CDH23: variants seen among roughly 807,000 people sequenced by gnomAD.
The protein encoded by CDH23 is cadherin related 23.
Under a neutral mutation model 317.1 loss-of-function variants are expected in CDH23, and 189 were observed. The observed-to-expected ratio is 0.60, with a 90% CI of 0.53 to 0.67. The LOEUF (loss-of-function observed/expected upper bound fraction) is 0.67. CDH23 is among the 30% of genes least tolerant of loss of function. The probability of loss-of-function intolerance (pLI) is 0.00; values close to 1 mark genes in which losing one functional copy is unlikely to be tolerated. For missense variants in CDH23, 4,401 were observed against 4,592.4 expected, an observed-to-expected ratio of 0.96 and a Z score of 1.20; for synonymous variants, 1,839 against 1,876.8, an observed-to-expected ratio of 0.98 and a Z score of 0.52.
intron 38 of CDH23, 130 bp downstream of exon 38, chr10:71,742,051 A>G (rs1839751180): frequency 1.3e-6 from 1 of 782,436 alleles, no homozygotes; most frequent in Non-Finnish European, 2.0e-6. Flanking sequence ...CCTTTAGTCC[A>G]TCTGCCTTTA....
chr10:71,633,771 C>T (rs1403158104), intron 11 of CDH23, among the ~76,000 whole-genome samples: 6 of 152,180 alleles, frequency 3.9e-5, no homozygotes, highest in Non-Finnish European at 8.8e-5. Flanking sequence ...CCAGAGAGGG[C>T]AGACAGTTTG....
chr10:71,456,095 C>T lies in CDH23; in HGVS notation c.145+9700C>T, dbSNP rs567521678. On this transcript the variant is annotated intron_variant, in intron 3 of 69. Coordinates refer to ENST00000224721, the MANE Select transcript of CDH23 (RefSeq NM_022124.6). ...TTTGGAGAAGAGTCTCCAGGTGCCT[C>T]GCAGCTGCTGGGATCTGGAGCTAGA... Among the ~76,000 whole-genome samples the T allele has an allele frequency of 8.6e-5, 13 of 151,588 alleles. No homozygotes were observed. The East Asian group carries it at 1.9e-3, about 23-fold the overall frequency.
intron 8 of CDH23, among the ~76,000 whole-genome samples, chr10:71,576,480 C>G (rs189179788): frequency 6.6e-6 from 1 of 152,088 alleles, no homozygotes; most frequent in Non-Finnish European, 1.5e-5. Context: ...TGTCAGGGAA[C>G]AAGCCTCTGC....
chr10:71,570,085 G>A (rs1229568837), intron 7 of CDH23, among the ~76,000 whole-genome samples: 2 of 151,970 alleles, frequency 1.3e-5, no homozygotes, highest in Admixed American at 6.5e-5. Flanking sequence ...CCCAACTGAC[G>A]GTTTAAATAT....
At chr10:71,447,905 A>G (rs12778279) in intron 3 of CDH23, among the ~76,000 whole-genome samples, 80,530 of 152,124 alleles carry the variant, frequency 0.53, 21,856 homozygotes, top group Non-Finnish European at 0.59. Context: ...CCAACATAGC[A>G]GCACACAGTG....
At chr10:71,643,218 TGGTCATATA>T in intron 11 of CDH23, among the ~76,000 whole-genome samples, 1 of 152,210 alleles carries the variant, frequency 6.6e-6, no homozygotes, top group South Asian at 2.1e-4. Context: ...GTACCCATAA[TGGTCATATA>T]GGCATGGATT....
intron 38 of CDH23, chr10:71,752,094 G>T: frequency 1.5e-6 from 1 of 681,316 alleles, no homozygotes; most frequent in Non-Finnish European, 2.7e-6. Context: ...ACAGACCCCA[G>T]CTCCTCCCTG....
chr10:71,809,995 C>A lies in CDH23; in HGVS notation c.8898C>A (p.Asp2966Glu), dbSNP rs775801383. 3.1e-6 allele frequency: 5 copies of A among 1,612,380 alleles called. No individual in the cohort carries two copies. Among genetic ancestry groups the A allele is most frequent in the Non-Finnish European group, 3.4e-6 (4 of 1,179,884 alleles). The change falls in exon 61 of 70, where the codon GAC becomes GAA. Residue 2966 changes from aspartate (D) to glutamate (E), a missense_variant. By Grantham distance (45) the Asp-to-Glu change is conservative (BLOSUM62 2). Around this residue, in one of 3 missense-constraint regions of CDH23, gnomAD observed 1,144 missense variants for 1,138.2 expected, o/e 1.01. Coordinates refer to ENST00000224721, the MANE Select transcript of CDH23 (RefSeq NM_022124.6). The part of the protein sequence containing the change: ...RVKIVINEIP[D>E]RVRGFEEEFI... ...AGATCGTCATTAACGAGATCCCCGA[C>A]CGTGTGCGCGGCTTCGAGGAGGAGT...
At chr10:71,757,633 C>T (rs372279725) in intron 38 of CDH23, 1 of 152,264 alleles carries the variant, frequency 6.6e-6, no homozygotes, top group East Asian at 1.9e-4. Flanking sequence ...GAGGTAGCTG[C>T]CGACACCGCA....
chr10:71,726,152 T>A (rs1866799405), intron 30 of CDH23, among the ~76,000 whole-genome samples: 1 of 152,122 alleles, frequency 6.6e-6, no homozygotes, highest in South Asian at 2.1e-4. Context: ...AGCAGGGGGA[T>A]GACTGAGATG....
chr10:71,451,429 C>T (rs1850440124), intron 3 of CDH23, among the ~76,000 whole-genome samples: 1 of 152,246 alleles, frequency 6.6e-6, no homozygotes, highest in Admixed American at 6.5e-5. Context: ...TGCCACCTGT[C>T]AGACCTCGCC....
intron 3 of CDH23, among the ~76,000 whole-genome samples, chr10:71,505,936 G>C (rs1171446356): frequency 6.6e-6 from 1 of 152,184 alleles, no homozygotes; most frequent in African/African-American, 2.4e-5. Context: ...GTACATAAAT[G>C]TTCATAGCGG....
intron 14 of CDH23, among the ~76,000 whole-genome samples, chr10:71,655,131 G>A (rs1157632345): frequency 6.6e-6 from 1 of 152,166 alleles, no homozygotes; most frequent in East Asian, 1.9e-4. Context: ...GAGCAGAAGG[G>A]AAACCTGCAA....
chr10:71,482,363 G>A (rs1278845433), intron 3 of CDH23, among the ~76,000 whole-genome samples: 2 of 152,130 alleles, frequency 1.3e-5, no homozygotes, highest in African/African-American at 2.4e-5. Context: ...AGAATCCCTT[G>A]CAGGTCTACC....
chr10:71,486,727 C>T (rs957036559), intron 3 of CDH23, among the ~76,000 whole-genome samples: 4 of 152,156 alleles, frequency 2.6e-5, no homozygotes, highest in Non-Finnish European at 5.9e-5. Flanking sequence ...GCGCTGTACT[C>T]TTGGGCTACT....
intron 8 of CDH23, among the ~76,000 whole-genome samples, chr10:71,576,551 G>A (rs1177436287): frequency 3.3e-5 from 5 of 152,188 alleles, no homozygotes; most frequent in African/African-American, 4.8e-5. Context: ...AACAGTGAGT[G>A]GAGGGAAGTG....
Position 71,690,600 on chromosome 10 carries a change from C to G in CDH23, c.2176+16C>G. On this transcript the variant is annotated intron_variant, in intron 20 of 69. Transcript: ENST00000224721. Reference sequence around the variant, plus strand: ...GCCCGCTCAGGTGAGCCCCCCCACCCCAAGTACCCTGGTCCTCCACACCCT... The same window carrying G: ...GCCCGCTCAGGTGAGCCCCCCCACCGCAAGTACCCTGGTCCTCCACACCCT... The G allele has an allele frequency of 6.5e-7, 1 of 1,542,716 alleles. No homozygotes were observed. Among genetic ancestry groups the G allele is most frequent in the South Asian group, 1.2e-5 (1 of 84,756 alleles).
chr10:71,501,701 C>T (rs1021015442), intron 3 of CDH23, among the ~76,000 whole-genome samples: 1 of 152,206 alleles, frequency 6.6e-6, no homozygotes, highest in Non-Finnish European at 1.5e-5. Flanking sequence ...AATCAAGGCA[C>T]TTAACTGGCC....
Position 71,602,489 on chromosome 10 carries a change from C to T in CDH23, c.833-13015C>T, listed in dbSNP as rs562890012. ...AACTCAGTACCCTCTGAGGCCCACA[C>T]TGCTTCCACATGATCTCAGTGATGC... On this transcript the variant is annotated intron_variant, in intron 9 of 69. Coordinates refer to ENST00000224721, the MANE Select transcript of CDH23 (RefSeq NM_022124.6). Among the ~76,000 whole-genome samples, 7 of 152,324 alleles carry T rather than the reference C, an allele frequency of 4.6e-5. No individual in the cohort carries two copies. The East Asian group carries it at 1.3e-3, about 29-fold the overall frequency.
Sources: allele counts gnomAD v4.1 joint callset (sites outside exome capture counted in the v4.1 genomes callset), GRCh38; gene constraint gnomAD v4.1.1; regional missense constraint gnomAD v4.1.1; transcripts MANE v1.5; gene names NCBI Gene and HGNC (gene_info 2026-07-23, HGNC 2026-07-21).